The following TATDN3 variants were observed in gnomAD, a reference collection of about 807,000 sequenced individuals.
TATDN3 encodes the protein deoxyribonuclease TATDN3.
A neutral mutation model predicts 40.1 loss-of-function variants in TATDN3; 29 were observed. That is an observed-to-expected ratio of 0.72 (90% CI 0.54 to 0.99). TATDN3 has a LOEUF of 0.99. TATDN3 is among the 50% of genes least tolerant of loss of function. The probability of loss-of-function intolerance (pLI) is 0.00; values close to 1 mark genes in which losing one functional copy is unlikely to be tolerated. For missense variants in TATDN3, 309 were observed against 321.9 expected (o/e 0.96, Z 0.31); for synonymous variants, 105 against 117.0 (o/e 0.90, Z 0.66).
At chr1:212,812,847 A>G (rs1662969670) in intron 9 of TATDN3, among the ~76,000 whole-genome samples, 1 of 152,158 alleles carries the variant, frequency 6.6e-6, no homozygotes, top group Non-Finnish European at 1.5e-5. Context: ...TACTAAAAAT[A>G]CAAAAAAATT....
chr1:212,802,743 CG>C lies in TATDN3; in HGVS notation c.303del (p.Leu102CysfsTer9). 6.2e-7 allele frequency: 1 copy of C among 1,612,720 alleles called. No homozygotes were observed. The highest frequency in any genetic ancestry group is 1.1e-5 in the South Asian group (1 of 91,050). Reference sequence around the variant, plus strand: ...GCCCATTATTGAGAATTATAAGGATCGGTTGTTGGCAATTGGAGAGGTAAAC... The same window carrying C: ...GCCCATTATTGAGAATTATAAGGATCGTTGTTGGCAATTGGAGAGGTAAAC... ...ALPIIENYKD[R>X]LLAIGEVGLD... On this transcript the variant is annotated frameshift_variant, in exon 5 of 10. Coordinates refer to ENST00000366974, the MANE Select transcript of TATDN3 (RefSeq NM_001042552.3). LOFTEE classifies it high-confidence loss of function.
chr1:212,804,595 G>A lies in TATDN3; in HGVS notation c.432-1G>A, dbSNP rs530785817. 1 of 1,612,964 alleles carries A rather than the reference G, an allele frequency of 6.2e-7. No homozygotes were observed. The highest frequency in any genetic ancestry group is 1.7e-5 in the Admixed American group (1 of 59,744). ...AAAGAAATGTTGTTATCGTTAAACA[G>A]AAATGTGCACTCACGCTCTGCTGGA... On this transcript the variant is annotated splice_acceptor_variant, in intron 6 of 9. Transcript: ENST00000366974. LOFTEE classifies it high-confidence loss of function.
rs377084448 is a variant in TATDN3 at position 212,791,969 on chromosome 1, C to T, written c.48C>T (p.Ser16=). The T allele has an allele frequency of 4.3e-6, 7 of 1,614,076 alleles. No individual in the cohort carries two copies. In the African/African-American group the frequency reaches 8.0e-5, roughly 18 times the overall value. The part of the protein sequence containing the change: ...VGLVDCHCHL[S]APDFDRDLDD... ...TGGTGGACTGTCACTGCCACCTCTCCGCCCCGGACTTTGACCGCGTATGTG... is the reference window on the plus strand; with the variant it reads ...TGGTGGACTGTCACTGCCACCTCTCTGCCCCGGACTTTGACCGCGTATGTG... The change falls in exon 1 of 10, where the codon TCC becomes TCT. Residue 16 remains serine, a synonymous_variant. Transcript: ENST00000366974.
intron 1 of TATDN3, among the ~76,000 whole-genome samples, chr1:212,794,418 C>T (rs1317862048): frequency 1.3e-5 from 2 of 152,056 alleles, no homozygotes; most frequent in African/African-American, 2.4e-5. Context: ...TGGTGAAACA[C>T]CATCTCTACT....
intron 7 of TATDN3, 46 bp downstream of exon 7, chr1:212,804,697 A>G (rs571235046): frequency 8.5e-6 from 13 of 1,536,540 alleles, no homozygotes; most frequent in Admixed American, 1.8e-5. Context: ...CAAGTTTGAC[A>G]ATTCCAGTTT....
chr1:212,815,977 A>C lies in TATDN3; in HGVS notation c.*821A>C, dbSNP rs761878603. 6.6e-6 allele frequency: 1 copy of C among 152,176 alleles called. No homozygotes were observed. Among genetic ancestry groups the C allele is most frequent in the Admixed American group, 6.6e-5 (1 of 15,258 alleles). 9.4% of individuals were successfully genotyped at this position (152,176 alleles called of 1,614,324 possible). ...ATTTCTCTTTAAGATAAAAATGCAT[A>C]CGATTTTTACACTGATCTTAGATTT... is the stretch of plus-strand genomic sequence containing the variant. On this transcript the variant is annotated 3_prime_UTR_variant, in exon 10 of 10. Transcript: ENST00000366974.
In TATDN3 at chr1:212,807,745, A is replaced by C. The variant is rs997108303; in HGVS notation, c.497A>C (p.Lys166Thr). ...CTTTCATTTTTGAAAGGTGCTGAGA[A>C]GGTACTGCTGCATGCATTTGATGGT... Reference protein sequence around the residue: ...INLLQEQGAEKVLLHAFDGRP... With the variant: ...INLLQEQGAETVLLHAFDGRP... The change falls in exon 8 of 10, where the codon AAG becomes ACG. Residue 166 changes from lysine to threonine, a missense_variant. Transcript: ENST00000366974. The C allele has an allele frequency of 5.0e-6, 8 of 1,610,524 alleles. No homozygotes were observed. Among genetic ancestry groups the C allele is most frequent in the Non-Finnish European group, 6.8e-6 (8 of 1,179,014 alleles).
intron 4 of TATDN3, among the ~76,000 whole-genome samples, chr1:212,798,199 A>G (rs113587944): frequency 0.023 from 3,455 of 151,908 alleles, 62 homozygotes; most frequent in South Asian, 0.041. Context: ...GGTGGCGTGC[A>G]CCTGTAGTCC....
At chr1:212,813,626 G>A (rs968862134) in intron 9 of TATDN3, among the ~76,000 whole-genome samples, 4 of 147,302 alleles carry the variant, frequency 2.7e-5, no homozygotes, top group Non-Finnish European at 4.4e-5. Flanking sequence ...GTGCAGTGGC[G>A]TGATCACAGC....
At chr1:212,798,536 C>CAAAAAAAA (rs11296428) in intron 4 of TATDN3, among the ~76,000 whole-genome samples, 45 of 91,260 alleles carry the variant, frequency 4.9e-4, no homozygotes, top group East Asian at 6.7e-4. Flanking sequence ...CTCAAAAACT[C>CAAAAAAAA]AAAAAAAAAA....
chr1:212,812,407 T>C, intron 9 of TATDN3, 79 bp downstream of exon 9: 1 of 823,332 alleles, frequency 1.2e-6, no homozygotes, highest in Non-Finnish European at 2.0e-6. Context: ...GTATTTCTCA[T>C]TATAGTGTAA....
intron 4 of TATDN3, 71 bp downstream of exon 4, chr1:212,797,267 CTCTT>C (rs549747887): frequency 2.0e-4 from 221 of 1,103,450 alleles, no homozygotes; most frequent in Admixed American, 4.5e-4. Context: ...AGTAATCCTC[CTCTT>C]TCTAATTTAT....
chr1:212,800,162 C>A (rs560677465), intron 4 of TATDN3, among the ~76,000 whole-genome samples: 1 of 152,242 alleles, frequency 6.6e-6, no homozygotes, highest in African/African-American at 2.4e-5. Flanking sequence ...TTAATTAATT[C>A]ATTCAATAAA....
chr1:212,813,169 A>G lies in TATDN3; in HGVS notation c.681+841A>G, dbSNP rs186142741. 1.8e-3 allele frequency among the ~76,000 whole-genome samples: 267 copies of G among 152,340 alleles called. 3 individuals are homozygous for G. Among genetic ancestry groups the G allele is most frequent in the East Asian group, 2.1e-3 (11 of 5,194 alleles). Reference sequence around the variant, plus strand: ...TATTTCTTTCAATACAAGTATTGATATAATCATGGGTTTATTTATATGATC... The same window carrying G: ...TATTTCTTTCAATACAAGTATTGATGTAATCATGGGTTTATTTATATGATC... On this transcript the variant is annotated intron_variant, in intron 9 of 9. Transcript: ENST00000366974.
intron 7 of TATDN3, among the ~76,000 whole-genome samples, chr1:212,804,893 C>T (rs1470781778): frequency 6.6e-6 from 1 of 152,160 alleles, no homozygotes; most frequent in Non-Finnish European, 1.5e-5. Flanking sequence ...ATTTATGTCC[C>T]TTAATTTAAA....
chr1:212,795,741 A>G (rs1661714563), intron 2 of TATDN3, among the ~76,000 whole-genome samples: 2 of 152,302 alleles, frequency 1.3e-5, no homozygotes, highest in African/African-American at 4.8e-5. Flanking sequence ...TGTTTGCTAC[A>G]TGCCAGGTAG....
chr1:212,804,702 C>A, intron 7 of TATDN3, 51 bp downstream of exon 7: 1 of 1,505,616 alleles, frequency 6.6e-7, no homozygotes, highest in South Asian at 1.2e-5. Context: ...TTGACAATTC[C>A]AGTTTATGTT....
intron 4 of TATDN3, among the ~76,000 whole-genome samples, chr1:212,800,448 T>A (rs1662101414): frequency 6.6e-6 from 1 of 151,648 alleles, no homozygotes; most frequent in Admixed American, 6.6e-5. Flanking sequence ...ATAATACAAT[T>A]CACTGGCGGC....
intron 7 of TATDN3, among the ~76,000 whole-genome samples, chr1:212,806,787 C>CATATATACATATATAT (rs1662528205): frequency 3.5e-5 from 3 of 85,874 alleles, no homozygotes; most frequent in African/African-American, 3.7e-5. Context: ...TATATATACA[C>CATATATACATATATAT]ACACACACAC....
Sources: gnomAD v4.1 joint callset for allele counts (sites outside exome capture counted in the v4.1 genomes callset) on GRCh38, gnomAD v4.1.1 for gene constraint, MANE v1.5 for transcripts, NCBI Gene and HGNC (gene_info 2026-07-23, HGNC 2026-07-21) for gene names.